STAB1: variants seen among roughly 807,000 people sequenced by gnomAD.
STAB1 encodes the protein stabilin-1.
STAB1 carries 250 observed loss-of-function variants against 332.4 expected under a neutral mutation model. The ratio of observed to expected loss-of-function variants is 0.75; its 90% CI spans 0.68 to 0.84. The LOEUF (loss-of-function observed/expected upper bound fraction) is 0.84. STAB1 is among the 40% of genes least tolerant of loss of function. STAB1 has a pLI of 0.00. For missense variants in STAB1, 3,249 were observed against 3,489.7 expected, an observed-to-expected ratio of 0.93 and a Z score of 1.74; for synonymous variants, 1,475 against 1,390.4, an observed-to-expected ratio of 1.06 and a Z score of -1.35.
At chr3:52,507,840 A>AG in intron 19 of STAB1, 91 bp from the exon 20 acceptor site, 2 of 1,457,758 alleles carry the variant, frequency 1.4e-6, no homozygotes, top group Non-Finnish European at 1.9e-6. Flanking sequence ...TTCTGGACCC[A>AG]GGGGGCAGAG....
chr3:52,523,566 G>C lies in STAB1; in HGVS notation c.7280G>C (p.Trp2427Ser), dbSNP rs377486010. Residue 2427 changes from tryptophan to serine, a missense_variant, in exon 65 of 69, where the codon TGG (tryptophan) becomes TCG (serine). By Grantham distance (177) the Trp-to-Ser change is radical. Transcript: ENST00000321725. ...GACGCAGGCCCTGACAACAGTTCCT[G>C]GGCCCCTGTGGTGAGTCTGGCCACT... ...ISDAGPDNSSWAPVAPGTVVV... is the reference protein window; with the variant it reads ...ISDAGPDNSSSAPVAPGTVVV... 1.1e-4 allele frequency: 174 copies of C among 1,612,638 alleles called. No individual in the cohort carries two copies. The highest frequency in any genetic ancestry group is 1.4e-4 in the Non-Finnish European group (170 of 1,180,012).
rs1559728525 is a variant in STAB1, at chr3:52,523,529, CTCA to C, written c.7250_7252del (p.Ile2417del). Reference sequence around the variant, plus strand: ...GCTTCCGGCCCACTCAGGCCTCAGCCTCATCATCAGTGACGCAGGCCCTGACAA... The same window carrying C: ...GCTTCCGGCCCACTCAGGCCTCAGCCTCATCAGTGACGCAGGCCCTGACAA... On this transcript the variant is annotated inframe_deletion, in exon 65 of 69. Coordinates refer to ENST00000321725, the MANE Select transcript of STAB1 (RefSeq NM_015136.3). The C allele has an allele frequency of 1.2e-6, 2 of 1,612,938 alleles. No homozygotes were observed. The highest frequency in any genetic ancestry group is 1.7e-6 in the Non-Finnish European group (2 of 1,179,994).
rs111979374 is a variant in STAB1 at position 52,509,104 on chromosome 3, G to A, written c.2236-106G>A. 41,908 of 974,420 alleles carry A rather than the reference G, an allele frequency of 0.043. 1,039 individuals carry two copies. Among genetic ancestry groups the A allele is most frequent in the South Asian group, 0.049 (2,941 of 59,958 alleles). 60.4% of individuals were successfully genotyped at this position (974,420 alleles called of 1,614,324 possible). ...GATCCCTTCCAGGATGAGCTCTCAC[G>A]GGTAGCAAGAGCTCAGAGCCAGCCC... On this transcript the variant is annotated intron_variant, in intron 21 of 68. Coordinates refer to ENST00000321725, the MANE Select transcript of STAB1 (RefSeq NM_015136.3).
At position 52,519,344 on chromosome 3, in the gene STAB1, C is replaced by T. The variant is rs1266635823; in HGVS notation, c.5115C>T (p.Asp1705=). The T allele has an allele frequency of 6.2e-7, 1 of 1,613,158 alleles. No individual in the cohort carries two copies. The highest frequency in any genetic ancestry group is 2.2e-5 in the East Asian group (1 of 44,880). ...TGAACGGCATCCTGCACTTCATTGA[C>T]CGTGTCCTGCTGCCCCCCGAGGCGC... ...EAVNGILHFI[D]RVLLPPEALH... is the part of the protein sequence containing the mutation. The change falls in exon 49 of 69, where the codon GAC becomes GAT. Residue 1705 remains aspartate, a synonymous_variant. Transcript: ENST00000321725.
In STAB1 at chr3:52,514,798, G is replaced by A. The variant is rs755270023; in HGVS notation, c.3776G>A (p.Arg1259His). The A allele has an allele frequency of 5.0e-6, 8 of 1,612,658 alleles. No homozygotes were observed. The highest frequency in any genetic ancestry group is 1.3e-5 in the African/African-American group (1 of 74,926). Residue 1259 changes from arginine to histidine, a missense_variant, in exon 35 of 69, where the codon CGC becomes CAC. Physicochemically the swap from Arg to His is conservative, Grantham distance 29 (BLOSUM62 0). Coordinates refer to ENST00000321725, the MANE Select transcript of STAB1 (RefSeq NM_015136.3). ...LSGVLTVGSS[R>H]CLHSHAEALR... ...GGGGTCCTGACGGTGGGCTCAAGTC[G>A]CTGCCTGCATAGCCACGCTGAGGCC...
intron 26 of STAB1, 141 bp from the exon 27 acceptor site, chr3:52,512,200 T>A: frequency 1.3e-6 from 1 of 796,178 alleles, no homozygotes; most frequent in Admixed American, 2.1e-5. Context: ...ACCGAAGGAG[T>A]GCCACCAACA....
intron 14 of STAB1, 61 bp from the exon 15 acceptor site, chr3:52,505,607 G>A: frequency 6.5e-7 from 1 of 1,544,058 alleles, no homozygotes; most frequent in Non-Finnish European, 8.8e-7. Flanking sequence ...CAGGGCCCAG[G>A]CAGGACTCAG....
chr3:52,519,655 C>G (rs2079007261), intron 50 of STAB1, 91 bp downstream of exon 50: 3 of 1,523,422 alleles, frequency 2.0e-6, no homozygotes, highest in Non-Finnish European at 2.7e-6. Flanking sequence ...TGCATACCCA[C>G]CTGTGTGCAC....
At chr3:52,499,627 C>T (rs559275437) in intron 1 of STAB1, among the ~76,000 whole-genome samples, 14 of 150,768 alleles carry the variant, frequency 9.3e-5, no homozygotes, top group East Asian at 3.9e-4. Context: ...CGGCCGGGCG[C>T]GGTGGCTCAC....
intron 21 of STAB1, 136 bp downstream of exon 21, chr3:52,508,495 T>TG: frequency 3.8e-6 from 3 of 786,882 alleles, no homozygotes; most frequent in Non-Finnish European, 6.5e-6. Flanking sequence ...CAGTGGAAAG[T>TG]TGGATCAAAT....
Position 52,514,500 on chromosome 3 carries a change from T to G in STAB1, c.3678+4T>G. The G allele has an allele frequency of 6.6e-7, 1 of 1,524,316 alleles. No homozygotes were observed. Among genetic ancestry groups the G allele is most frequent in the Non-Finnish European group, 8.8e-7 (1 of 1,136,730 alleles). 94.4% of individuals were successfully genotyped at this position (1,524,316 alleles called of 1,614,324 possible). A position where few individuals can be genotyped will look rare whatever the true frequency, so the allele number is the denominator to read the frequency against. ...CTTCTACAACCACAGTGGCCAGGTT[T>G]GGGGGTCAGGGAGCAAGGAGACCCT... On this transcript the variant is annotated splice_donor_region_variant and intron_variant, in intron 34 of 68. Coordinates refer to ENST00000321725, the MANE Select transcript of STAB1 (RefSeq NM_015136.3).
At position 52,504,514 on chromosome 3, in the gene STAB1, C is replaced by T; in HGVS notation, c.1204C>T (p.Pro402Ser). 6.2e-7 allele frequency: 1 copy of T among 1,614,104 alleles called. No individual in the cohort carries two copies. Among genetic ancestry groups the T allele is most frequent in the Non-Finnish European group, 8.5e-7 (1 of 1,180,028 alleles). The change falls in exon 11 of 69, where the codon CCA becomes TCA. Residue 402 changes from proline to serine, a missense_variant. Transcript: ENST00000321725. Reference sequence around the variant, plus strand: ...AGCGGGCCCTTTCACCGTGCTGGTGCCATCCGTCTCCTCCTTCTCCTCCAG... The same window carrying T: ...AGCGGGCCCTTTCACCGTGCTGGTGTCATCCGTCTCCTCCTTCTCCTCCAG... ...TTAGPFTVLV[P>S]SVSSFSSRTM...
intron 1 of STAB1, among the ~76,000 whole-genome samples, chr3:52,498,395 T>C (rs1241200562): frequency 2.0e-5 from 3 of 152,164 alleles, no homozygotes; most frequent in Non-Finnish European, 4.4e-5. Flanking sequence ...CGGCAAGATG[T>C]GGGCTCAGAC....
At chr3:52,501,866 T>G in intron 3 of STAB1, 113 bp downstream of exon 3, 1 of 1,360,042 alleles carries the variant, frequency 7.4e-7, no homozygotes, top group East Asian at 2.5e-5. Flanking sequence ...TAATTAATAC[T>G]CACCGAGCGC....
In STAB1 at chr3:52,513,199, C is replaced by A; in HGVS notation, c.3228C>A (p.Thr1076=). 6.3e-7 allele frequency: 1 copy of A among 1,586,098 alleles called. No individual in the cohort carries two copies. The highest frequency in any genetic ancestry group is 8.6e-7 in the Non-Finnish European group (1 of 1,166,998). Residue 1076 remains threonine (T), a synonymous_variant, in exon 30 of 69, where the codon ACC becomes ACA. Transcript: ENST00000321725. ...GGCTGGGTGGGCAGGAAGTGGCCAC[C>A]CTGAACCCCACCACACGCTGGGAGA... ...LARLGGQEVA[T]LNPTTRWEIR...
Position 52,524,044 on chromosome 3 carries a change from C to T in STAB1, c.7542+27C>T, listed in dbSNP as rs114309168. On this transcript the variant is annotated intron_variant, in intron 67 of 68. Coordinates refer to ENST00000321725, the MANE Select transcript of STAB1 (RefSeq NM_015136.3). ...TAGGGCTGGGTTGGGGCTGCCATGG[C>T]GGGTCCTTGGATCTCGCTTGAGGCG... 1,327 of 1,611,958 alleles carry T rather than the reference C, an allele frequency of 8.2e-4. 16 individuals carry two copies. In the African/African-American group the frequency reaches 0.015, roughly 18 times the overall value.
rs562489547 is a variant in STAB1, at chr3:52,504,840, C to G, written c.1341C>G (p.Ala447=). The part of the protein sequence containing the change: ...TQQTRRWWTL[A]GQEITVTFNQ... ...AAACACGAAGGTGGTGGACGCTGGC[C>G]GGGCAGGAGATCACCGTCACCTTTA... is the stretch of plus-strand genomic sequence containing the variant. The change falls in exon 12 of 69, where the codon GCC becomes GCG. Residue 447 remains alanine, a synonymous_variant. Transcript: ENST00000321725. 1 of 1,613,756 alleles carries G rather than the reference C, an allele frequency of 6.2e-7. No homozygotes were observed.
intron 21 of STAB1, among the ~76,000 whole-genome samples, chr3:52,508,894 G>T (rs1043445777): frequency 6.6e-6 from 1 of 152,048 alleles, no homozygotes; most frequent in African/African-American, 2.4e-5. Flanking sequence ...TTCCAAAAAG[G>T]CTACTTGGTG....
chr3:52,506,319 C>A, intron 17 of STAB1, 69 bp downstream of exon 17: 5 of 1,410,690 alleles, frequency 3.5e-6, no homozygotes, highest in Non-Finnish European at 4.9e-6. Flanking sequence ...GGCCTCTCAG[C>A]CTTGTGTGCT....
Sources: allele counts gnomAD v4.1 joint callset (sites outside exome capture counted in the v4.1 genomes callset), GRCh38; gene constraint gnomAD v4.1.1; transcripts MANE v1.5; gene names NCBI Gene and HGNC (gene_info 2026-07-23, HGNC 2026-07-21).